The following TLL2 variants were observed in gnomAD, a reference collection of about 807,000 sequenced individuals.
TLL2 encodes the protein tolloid like 2, also known as tolloid-like protein 2.
Under a neutral mutation model 123.0 loss-of-function variants are expected in TLL2, and 106 were observed. The observed-to-expected ratio is 0.86, with a 90% CI of 0.74 to 1.01. The LOEUF (loss-of-function observed/expected upper bound fraction) is 1.01, where lower values mean the gene tolerates loss of function less well. Among genes scored for constraint, TLL2 ranks in the 50% least tolerant of loss-of-function variants. The pLI is 0.00. For missense variants in TLL2, 1,332 were observed against 1,336.7 expected (o/e 1.00, Z 0.06); for synonymous variants, 494 against 516.8 (o/e 0.96, Z 0.60).
intron 1 of TLL2, among the ~76,000 whole-genome samples, chr10:96,493,407 A>C (rs894618485): frequency 3.3e-5 from 5 of 152,218 alleles, no homozygotes; most frequent in African/African-American, 1.2e-4. Flanking sequence ...AGGAAAGGGC[A>C]TGCTGGCTAA....
intron 2 of TLL2, among the ~76,000 whole-genome samples, chr10:96,476,240 A>ATATATATATATATATATATT: frequency 4.9e-5 from 1 of 20,498 alleles, no homozygotes; most frequent in Non-Finnish European, 1.0e-4. Flanking sequence ...ATATATATAT[A>ATATATATATATATATATATT]TTTTATTTTT....
intron 2 of TLL2, among the ~76,000 whole-genome samples, chr10:96,478,373 A>G (rs1223237687): frequency 6.6e-6 from 1 of 152,234 alleles, no homozygotes; most frequent in Non-Finnish European, 1.5e-5. Context: ...CTAAATGAGT[A>G]TGCACCCACT....
intron 13 of TLL2, among the ~76,000 whole-genome samples, chr10:96,392,139 G>A (rs909135387): frequency 3.3e-5 from 5 of 152,174 alleles, no homozygotes; most frequent in African/African-American, 4.8e-5. Context: ...AATGTTGAAT[G>A]CACGCTAGAT....
Position 96,403,150 on chromosome 10 carries a change from C to T in TLL2, c.1267+2082G>A, listed in dbSNP as rs922539410. Among the ~76,000 whole-genome samples the T allele has an allele frequency of 2.0e-5, 3 of 152,296 alleles. No individual in the cohort carries two copies. In the East Asian group the frequency reaches 5.8e-4, roughly 29 times the overall value. On this transcript the variant is annotated intron_variant, in intron 10 of 20. Transcript: ENST00000357947. ...GGCTCCTGGTCACTTCTGCCTGTCT[C>T]ACCAGCTCCACCACGGCTGCCATTC...
intron 5 of TLL2, among the ~76,000 whole-genome samples, chr10:96,425,399 T>C (rs1398349905): frequency 6.6e-6 from 1 of 151,942 alleles, no homozygotes; most frequent in Non-Finnish European, 1.5e-5. Context: ...CTATAAATGT[T>C]GGTGTTTAAA....
At chr10:96,407,143 T>C (rs1432592556) in intron 9 of TLL2, among the ~76,000 whole-genome samples, 1 of 152,092 alleles carries the variant, frequency 6.6e-6, no homozygotes, top group African/African-American at 2.4e-5. Flanking sequence ...TGGCTCTCTG[T>C]GCCCCCATCT....
intron 5 of TLL2, 67 bp from the exon 6 acceptor site, chr10:96,422,794 C>T: frequency 6.3e-7 from 1 of 1,576,926 alleles, no homozygotes; most frequent in East Asian, 2.2e-5. Context: ...GCAAGTCCCC[C>T]CTCCCACTCT....
chr10:96,441,685 C>CGGT (rs1256483295), intron 3 of TLL2, among the ~76,000 whole-genome samples: 1 of 152,134 alleles, frequency 6.6e-6, no homozygotes, highest in Non-Finnish European at 1.5e-5. Flanking sequence ...TGCTGCAGGG[C>CGGT]GGTGGTGACC....
At chr10:96,432,087 G>A (rs1313157814) in intron 4 of TLL2, among the ~76,000 whole-genome samples, 1 of 152,072 alleles carries the variant, frequency 6.6e-6, no homozygotes, top group Non-Finnish European at 1.5e-5. Context: ...CCATGGTCAG[G>A]AATTTCATTC....
At chr10:96,425,755 G>T (rs1426793850) in intron 5 of TLL2, among the ~76,000 whole-genome samples, 1 of 151,752 alleles carries the variant, frequency 6.6e-6, no homozygotes, top group Non-Finnish European at 1.5e-5. Flanking sequence ...TGATATTCTG[G>T]GGTTTCTAGG....
Position 96,395,232 on chromosome 10 carries a change from C to A in TLL2, c.1681G>T (p.Asp561Tyr), listed in dbSNP as rs577410035. ...AAGCCCGCTTTATTGATAGAGCCAT[C>A]GGACACAAACTTCATCCACAGTCTG... ...SNRLWMKFVS[D>Y]GSINKAGFAA... The change falls in exon 13 of 21, where the codon GAT becomes TAT. Residue 561 changes from aspartate (D) to tyrosine (Y), a missense_variant. Physicochemically the swap from Asp to Tyr is radical, Grantham distance 160. Transcript: ENST00000357947. 1.9e-6 allele frequency: 3 copies of A among 1,612,652 alleles called. No homozygotes were observed. The highest frequency in any genetic ancestry group is 2.5e-6 in the Non-Finnish European group (3 of 1,179,560).
chr10:96,495,569 G>T (rs1847464398), intron 1 of TLL2, among the ~76,000 whole-genome samples: 1 of 152,018 alleles, frequency 6.6e-6, no homozygotes, highest in African/African-American at 2.4e-5. Flanking sequence ...GTGTTAATGG[G>T]GTCTACAGCT....
chr10:96,405,434 GCA>G, intron 9 of TLL2, 100 bp from the exon 10 acceptor site: 1 of 1,108,022 alleles, frequency 9.0e-7, no homozygotes, highest in Non-Finnish European at 1.4e-6. Flanking sequence ...CCTTTAGCAT[GCA>G]GAACTTTCAG....
At chr10:96,508,176 T>C (rs1847594897) in intron 1 of TLL2, among the ~76,000 whole-genome samples, 1 of 152,142 alleles carries the variant, frequency 6.6e-6, no homozygotes, top group Non-Finnish European at 1.5e-5. Context: ...GCCATGAAGG[T>C]TGGCGACTCC....
At chr10:96,455,064 T>C (rs1166029640) in intron 2 of TLL2, among the ~76,000 whole-genome samples, 2 of 151,938 alleles carry the variant, frequency 1.3e-5, no homozygotes, top group African/African-American at 2.4e-5. Flanking sequence ...AGATATCAAA[T>C]AGCAGTAAAA....
At chr10:96,476,248 T>TTTTTTTTTTTTTTGTTGTTG (rs1285354320) in intron 2 of TLL2, among the ~76,000 whole-genome samples, 8 of 69,232 alleles carry the variant, frequency 1.2e-4, no homozygotes, top group African/African-American at 3.7e-4. Flanking sequence ...ATATTTTATT[T>TTTTTTTTTTTTTTGTTGTTG]TTGTTGTTGT....
At chr10:96,462,335 G>T (rs1847088628) in intron 2 of TLL2, among the ~76,000 whole-genome samples, 1 of 152,182 alleles carries the variant, frequency 6.6e-6, no homozygotes, top group Admixed American at 6.5e-5. Context: ...AGAATATTCA[G>T]TGAGGTACTT....
rs549616215 is a variant in TLL2 at position 96,366,632 on chromosome 10, T to C, written c.*1456A>G. The C allele has an allele frequency of 6.6e-6, 1 of 152,656 alleles. No homozygotes were observed. The highest frequency in any genetic ancestry group is 2.1e-4 in the South Asian group (1 of 4,826). 9.5% of individuals were successfully genotyped at this position (152,656 alleles called of 1,614,324 possible). A position where few individuals can be genotyped will look rare whatever the true frequency, so the allele number is the denominator to read the frequency against. On this transcript the variant is annotated 3_prime_UTR_variant, in exon 21 of 21. Transcript: ENST00000357947. ...GTAAAAAATATAACCTTTCACCTTT[T>C]ACATATACTTTGTTTAAAATGATGC...
rs1246348808 is a variant in TLL2, at chr10:96,480,579, G to C, written c.176-120C>G. On this transcript the variant is annotated intron_variant, in intron 1 of 20. Coordinates refer to ENST00000357947, the MANE Select transcript of TLL2 (RefSeq NM_012465.4). ...AACTTTGGAAAAGACAGCCCATCCA[G>C]TAAAATTTCTCCTTGAGCCTAAGAG... The C allele has an allele frequency of 6.6e-6, 5 of 756,890 alleles. No individual in the cohort carries two copies. The African/African-American group carries it at 8.5e-5, about 13-fold the overall frequency. The allele number at this position is 756,890 out of a possible 1,614,324, so 46.9% of individuals were successfully genotyped here.
Sources: gnomAD v4.1 joint callset for allele counts (sites outside exome capture counted in the v4.1 genomes callset) on GRCh38, gnomAD v4.1.1 for gene constraint, MANE v1.5 for transcripts, NCBI Gene and HGNC (gene_info 2026-07-23, HGNC 2026-07-21) for gene names.